ZMIZ1: variants seen among roughly 807,000 people sequenced by gnomAD.
The protein encoded by ZMIZ1 is zinc finger MIZ-type containing 1.
ZMIZ1 carries 17 observed loss-of-function variants against 113.9 expected under a neutral mutation model. That is an observed-to-expected ratio of 0.15 (90% CI 0.10 to 0.22). The LOEUF is 0.22. ZMIZ1 is among the 10% of genes least tolerant of loss of function. ZMIZ1 has a pLI of 1.00. For missense variants in ZMIZ1, 1,059 were observed against 1,477.8 expected (o/e 0.72, Z 4.65); for synonymous variants, 607 against 603.1 (o/e 1.01, Z -0.09).
At chr10:79,280,031 C>A (rs1852614872) in intron 8 of ZMIZ1, among the ~76,000 whole-genome samples, 1 of 151,568 alleles carries the variant, frequency 6.6e-6, no homozygotes, top group Non-Finnish European at 1.5e-5. Context: ...TTCTGTCACC[C>A]AGGCTGTAGT....
At chr10:79,129,868 A>G (rs931446992) in intron 2 of ZMIZ1, among the ~76,000 whole-genome samples, 2 of 152,234 alleles carry the variant, frequency 1.3e-5, no homozygotes, top group Non-Finnish European at 2.9e-5. Context: ...AAAGGTCAGC[A>G]GGGGGACAGA....
chr10:79,123,069 T>C (rs1163252286), intron 2 of ZMIZ1, among the ~76,000 whole-genome samples: 1 of 152,170 alleles, frequency 6.6e-6, no homozygotes, highest in Non-Finnish European at 1.5e-5. Flanking sequence ...CAGGTATACA[T>C]GGCTCTGAAG....
intron 1 of ZMIZ1, among the ~76,000 whole-genome samples, chr10:79,089,320 G>T (rs927665469): frequency 3.9e-5 from 6 of 152,372 alleles, no homozygotes; most frequent in African/African-American, 1.4e-4. Flanking sequence ...CTTGGCTCTT[G>T]TGCAAACACA....
intron 7 of ZMIZ1, among the ~76,000 whole-genome samples, chr10:79,258,497 C>A (rs1021534583): frequency 6.6e-6 from 1 of 152,246 alleles, no homozygotes; most frequent in Admixed American, 6.5e-5. Context: ...GCCCCTGCCT[C>A]CTGTTTCGGG....
chr10:79,258,168 G>A (rs1027640957), intron 7 of ZMIZ1, among the ~76,000 whole-genome samples: 8 of 152,178 alleles, frequency 5.3e-5, no homozygotes, highest in African/African-American at 1.7e-4. Flanking sequence ...GATTGCCTGA[G>A]CCCAAGAGTT....
intron 4 of ZMIZ1, among the ~76,000 whole-genome samples, chr10:79,198,157 G>A (rs1847923716): frequency 1.3e-5 from 2 of 152,132 alleles, no homozygotes; most frequent in Admixed American, 6.5e-5. Flanking sequence ...TACTCGGGAG[G>A]CTGAGGCAGG....
intron 2 of ZMIZ1, among the ~76,000 whole-genome samples, chr10:79,126,573 G>A (rs777608678): frequency 3.3e-5 from 5 of 152,214 alleles, no homozygotes; most frequent in Non-Finnish European, 7.3e-5. Flanking sequence ...GCAGATAATG[G>A]GGGCTTTGTG....
At chr10:79,207,345 G>A (rs1399614745) in intron 5 of ZMIZ1, among the ~76,000 whole-genome samples, 2 of 152,218 alleles carry the variant, frequency 1.3e-5, no homozygotes, top group Non-Finnish European at 2.9e-5. Flanking sequence ...GTCAGTTACA[G>A]CCAAATTGGG....
chr10:79,218,834 T>A lies in ZMIZ1; in HGVS notation c.280+2560T>A, dbSNP rs146512468. On this transcript the variant is annotated intron_variant, in intron 7 of 24. Coordinates refer to ENST00000334512, the MANE Select transcript of ZMIZ1 (RefSeq NM_020338.4). ...GGTAGAAGGGGAGCATGCACGGCTT[T>A]TTGTCAGAACTAAGAGAAAGGCAGT... 3.0e-3 allele frequency among the ~76,000 whole-genome samples: 453 copies of A among 152,058 alleles called. 3 individuals carry two copies. Among genetic ancestry groups the A allele is most frequent in the African/African-American group, 0.01 (427 of 41,448 alleles).
At chr10:79,229,849 TC>T (rs1359711100) in intron 7 of ZMIZ1, among the ~76,000 whole-genome samples, 1 of 152,152 alleles carries the variant, frequency 6.6e-6, no homozygotes. Flanking sequence ...GCAGGAAGTT[TC>T]CAACCTGGAC....
At chr10:79,084,915 T>A (rs1842761763) in intron 1 of ZMIZ1, among the ~76,000 whole-genome samples, 1 of 151,930 alleles carries the variant, frequency 6.6e-6, no homozygotes, top group Non-Finnish European at 1.5e-5. Context: ...TTGGTAGGGA[T>A]AATCCAGGCC....
rs945709533 is a variant in ZMIZ1 at position 79,306,144 on chromosome 10, G to A, written c.2468G>A (p.Arg823Gln). 8 of 1,613,880 alleles carry A rather than the reference G, an allele frequency of 5.0e-6. No homozygotes were observed. Among genetic ancestry groups the A allele is most frequent in the Admixed American group, 3.3e-5 (2 of 60,020 alleles). The change falls in exon 22 of 25, where the codon CGG (arginine) becomes CAG (glutamine). Residue 823 changes from arginine (R) to glutamine (Q), a missense_variant. Physicochemically the swap from Arg to Gln is conservative, Grantham distance 43. Coordinates refer to ENST00000334512, the MANE Select transcript of ZMIZ1 (RefSeq NM_020338.4). ...EVTIDPTCSWRPVPIKSDLHI... is the reference protein window; with the variant it reads ...EVTIDPTCSWQPVPIKSDLHI... ...ACCATCGATCCCACGTGCAGCTGGC[G>A]GCCGGTGCCCATCAAGTCGGACTTA...
At chr10:79,306,010 G>A in intron 21 of ZMIZ1, 90 bp from the exon 22 acceptor site, 1 of 1,542,138 alleles carries the variant, frequency 6.5e-7, no homozygotes, top group South Asian at 1.2e-5. Context: ...CCTCAACAAG[G>A]TCACCTGGGT....
intron 1 of ZMIZ1, among the ~76,000 whole-genome samples, chr10:79,112,585 A>T (rs1268133644): frequency 6.6e-6 from 1 of 152,156 alleles, no homozygotes; most frequent in Admixed American, 6.5e-5. Flanking sequence ...GTCCTTGTAC[A>T]GAGGAGGGGA....
chr10:79,281,838 C>T (rs1404605833), intron 8 of ZMIZ1, among the ~76,000 whole-genome samples: 1 of 152,190 alleles, frequency 6.6e-6, no homozygotes, highest in Non-Finnish European at 1.5e-5. Context: ...AACACACAGC[C>T]AGTAAAGGGC....
chr10:79,264,693 G>GT (rs938313461), intron 7 of ZMIZ1, among the ~76,000 whole-genome samples: 18 of 152,176 alleles, frequency 1.2e-4, no homozygotes, highest in Admixed American at 1.2e-3. Context: ...GGAGGGGCTT[G>GT]TGAGGGTCTG....
intron 6 of ZMIZ1, 84 bp downstream of exon 6, chr10:79,208,533 T>C (rs759169358): frequency 5.1e-5 from 59 of 1,164,084 alleles, no homozygotes; most frequent in Non-Finnish European, 6.9e-5. Context: ...TCAGAGAGGT[T>C]GTCAGACATT....
At chr10:79,175,386 C>G (rs1175409974) in intron 4 of ZMIZ1, among the ~76,000 whole-genome samples, 2 of 152,188 alleles carry the variant, frequency 1.3e-5, no homozygotes, top group Non-Finnish European at 2.9e-5. Context: ...CTGTATTTCC[C>G]AGTGCTCCTT....
Position 79,293,653 on chromosome 10 carries a change from G to A in ZMIZ1, c.1230G>A (p.Glu410=). 1 of 1,613,156 alleles carries A rather than the reference G, an allele frequency of 6.2e-7. No individual in the cohort carries two copies. The highest frequency in any genetic ancestry group is 8.5e-7 in the Non-Finnish European group (1 of 1,180,026). The change falls in exon 12 of 25, where the codon GAG becomes GAA. Residue 410 remains glutamate, a splice_region_variant and synonymous_variant. Transcript: ENST00000334512. ...ACATAAAGAGGCCATACCCTGGAGA[G>A]GTGAGTGCAGCAGTGGGAGCCTGGG... The part of the protein sequence containing the change: ...IQNIKRPYPG[E]PNYGNQQYGP...
Sources: allele counts gnomAD v4.1 joint callset (sites outside exome capture counted in the v4.1 genomes callset), GRCh38; gene constraint gnomAD v4.1.1; transcripts MANE v1.5; gene names NCBI Gene and HGNC (gene_info 2026-07-23, HGNC 2026-07-21).